The following NDST4 variants were observed in gnomAD, a reference collection of about 807,000 sequenced individuals.
The protein encoded by NDST4 is N-deacetylase and N-sulfotransferase 4, also known as N-heparan sulfate sulfotransferase 4.
NDST4 carries 63 observed loss-of-function variants against 100.8 expected under a neutral mutation model. That is an observed-to-expected ratio of 0.62 (90% CI 0.51 to 0.77). The LOEUF is 0.77. Ranked by LOEUF, NDST4 falls within the 30% of genes least tolerant of loss-of-function variation. The pLI, the probability that NDST4 is intolerant of heterozygous loss-of-function variation, is 0.00. For synonymous variants in NDST4, 377 were observed against 361.8 expected, an observed-to-expected ratio of 1.04 and a Z score of -0.48; for missense variants, 943 against 1,018.4, an observed-to-expected ratio of 0.93 and a Z score of 1.01.
At chr4:115,023,782 T>C (rs1183020514) in intron 2 of NDST4, among the ~76,000 whole-genome samples, 4 of 152,030 alleles carry the variant, frequency 2.6e-5, no homozygotes, top group Non-Finnish European at 5.9e-5. Context: ...AAAGGGAGAA[T>C]AGCACCAAAG....
At chr4:115,079,418 C>A (rs1729256943) in intron 1 of NDST4, among the ~76,000 whole-genome samples, 1 of 150,630 alleles carries the variant, frequency 6.6e-6, no homozygotes, top group South Asian at 2.1e-4. Flanking sequence ...ACATAATTTT[C>A]CATTATTATT....
intron 7 of NDST4, among the ~76,000 whole-genome samples, chr4:114,864,042 T>A (rs866494745): frequency 2.0e-4 from 30 of 152,300 alleles, no homozygotes; most frequent in Middle Eastern, 3.4e-3. Context: ...CTTTTGTTCT[T>A]ATTATATCTA....
intron 2 of NDST4, among the ~76,000 whole-genome samples, chr4:115,019,131 A>C (rs1727752281): frequency 6.6e-6 from 1 of 152,052 alleles, no homozygotes; most frequent in Admixed American, 6.6e-5. Context: ...TTATTTAACT[A>C]ATATAATACT....
chr4:114,972,305 T>C (rs1303806026), intron 3 of NDST4, among the ~76,000 whole-genome samples: 3 of 152,034 alleles, frequency 2.0e-5, no homozygotes, highest in African/African-American at 7.2e-5. Context: ...TCACTGTTCC[T>C]GGAATAGAGT....
At chr4:115,064,694 T>C (rs1187913563) in intron 2 of NDST4, among the ~76,000 whole-genome samples, 1 of 152,136 alleles carries the variant, frequency 6.6e-6, no homozygotes, top group Non-Finnish European at 1.5e-5. Context: ...TACAAGAGGC[T>C]ACTATCTCAG....
rs112807265 is a variant in NDST4, at chr4:114,958,418, C to T, written c.1221+12012G>A. ...TGAGACCCCCAGTCTCTTTCTAAAA[C>T]GTAGCAAGAGTCACCTTTATTACAG... On this transcript the variant is annotated intron_variant, in intron 4 of 13. Coordinates refer to ENST00000264363, the MANE Select transcript of NDST4 (RefSeq NM_022569.3). Among the ~76,000 whole-genome samples the T allele has an allele frequency of 7.4e-3, 1,123 of 152,170 alleles. 23 individuals carry two copies. The highest frequency in any genetic ancestry group is 0.025 in the African/African-American group (1,039 of 41,490).
At chr4:115,074,992 A>C (rs1430011501) in intron 2 of NDST4, among the ~76,000 whole-genome samples, 1 of 152,152 alleles carries the variant, frequency 6.6e-6, no homozygotes, top group Non-Finnish European at 1.5e-5. Flanking sequence ...AGATTGTTTA[A>C]AAGATGATTA....
At chr4:115,108,662 C>T (rs752760238) in intron 1 of NDST4, among the ~76,000 whole-genome samples, 2 of 151,826 alleles carry the variant, frequency 1.3e-5, no homozygotes. Context: ...AAGAATTCCA[C>T]TTAAATAATT....
intron 7 of NDST4, among the ~76,000 whole-genome samples, chr4:114,857,553 C>A (rs1723823599): frequency 6.6e-6 from 1 of 152,132 alleles, no homozygotes; most frequent in African/African-American, 2.4e-5. Flanking sequence ...AGAGGAGAAA[C>A]CCAGGCTTGG....
At chr4:115,051,882 A>G (rs1728591601) in intron 2 of NDST4, among the ~76,000 whole-genome samples, 1 of 152,140 alleles carries the variant, frequency 6.6e-6, no homozygotes, top group Non-Finnish European at 1.5e-5. Context: ...CACAATACAG[A>G]ATTTACATTC....
chr4:114,874,632 T>C (rs1339511934), intron 6 of NDST4, among the ~76,000 whole-genome samples: 1 of 152,190 alleles, frequency 6.6e-6, no homozygotes, highest in Non-Finnish European at 1.5e-5. Context: ...AAATCACCTA[T>C]TGTGCAGACA....
At chr4:114,841,418 G>A (rs946285125) in intron 10 of NDST4, among the ~76,000 whole-genome samples, 22 of 152,098 alleles carry the variant, frequency 1.4e-4, no homozygotes, top group Non-Finnish European at 3.1e-4. Flanking sequence ...GCAGTGTGGG[G>A]CCCTGCTCAC....
At chr4:114,986,800 AT>A (rs1560845300) in intron 2 of NDST4, among the ~76,000 whole-genome samples, 15 of 23,532 alleles carry the variant, frequency 6.4e-4, no homozygotes, top group Non-Finnish European at 2.6e-3. Context: ...ATACATATAT[AT>A]ATATATATAT....
intron 6 of NDST4, among the ~76,000 whole-genome samples, chr4:114,897,626 T>C (rs1289444786): frequency 6.6e-6 from 1 of 152,174 alleles, no homozygotes; most frequent in Non-Finnish European, 1.5e-5. Flanking sequence ...ATGGCAACTG[T>C]ATGTTTAGTT....
In NDST4 at chr4:115,052,340, TGAAAAGAGGTA is replaced by T. The variant is rs1560581458; in HGVS notation, c.978+23708_978+23718del. Among the ~76,000 whole-genome samples, 4 of 152,272 alleles carry T rather than the reference TGAAAAGAGGTA, an allele frequency of 2.6e-5. No individual in the cohort carries two copies. In the South Asian group the frequency reaches 8.3e-4, roughly 32 times the overall value. On this transcript the variant is annotated intron_variant, in intron 2 of 13. Coordinates refer to ENST00000264363, the MANE Select transcript of NDST4 (RefSeq NM_022569.3). The stretch of plus-strand genomic sequence containing the variant: ...TTTTTTACTTTCAGAAGATACATAA[TGAAAAGAGGTA>T]GATACAAATTTTCATCCTTGTAGTT...
At chr4:115,063,359 T>G (rs1450006447) in intron 2 of NDST4, among the ~76,000 whole-genome samples, 1 of 151,924 alleles carries the variant, frequency 6.6e-6, no homozygotes, top group East Asian at 1.9e-4. Context: ...AAAGACAATG[T>G]CTATGACTAC....
rs1475272437 is a variant in NDST4 at position 115,036,019 on chromosome 4, C to G, written c.978+40040G>C. Among the ~76,000 whole-genome samples the G allele has an allele frequency of 2.0e-5, 3 of 151,846 alleles. 1 individual carries two copies. The highest frequency in any genetic ancestry group is 4.4e-5 in the Non-Finnish European group (3 of 67,834). On this transcript the variant is annotated intron_variant, in intron 2 of 13. Coordinates refer to ENST00000264363, the MANE Select transcript of NDST4 (RefSeq NM_022569.3). ...AATTGGGACTCTAAGCTTTTGAGTA[C>G]TTATCTTTGGAAATAAAAATTCAAA...
chr4:114,904,857 C>T (rs1463429008), intron 6 of NDST4, among the ~76,000 whole-genome samples: 3 of 151,896 alleles, frequency 2.0e-5, no homozygotes, highest in African/African-American at 7.2e-5. Context: ...CATAATTAAA[C>T]AGTTTTGTGA....
At chr4:115,041,139 G>A (rs1277504362) in intron 2 of NDST4, among the ~76,000 whole-genome samples, 1 of 152,014 alleles carries the variant, frequency 6.6e-6, no homozygotes, top group Non-Finnish European at 1.5e-5. Context: ...ATTGATCATT[G>A]ATAGCTGCTA....
Sources: allele counts gnomAD v4.1 joint callset (sites outside exome capture counted in the v4.1 genomes callset), GRCh38; gene constraint gnomAD v4.1.1; transcripts MANE v1.5; gene names NCBI Gene and HGNC (gene_info 2026-07-23, HGNC 2026-07-21).